Variants in MOXD1 observed in about 807,000 individuals in gnomAD.
The protein encoded by MOXD1 is monooxygenase DBH like 1.
A neutral mutation model predicts 66.6 loss-of-function variants in MOXD1; 62 were observed. The observed-to-expected ratio is 0.93, with a 90% confidence interval of 0.76 to 1.15. MOXD1 has a LOEUF of 1.15. MOXD1 is among the 50% of genes most tolerant of loss of function. MOXD1 has a pLI of 0.00. For missense variants in MOXD1, 847 were observed against 754.6 expected (o/e 1.12, Z -1.44); for synonymous variants, 303 against 281.9 (o/e 1.07, Z -0.75).
intron 1 of MOXD1, 141 bp downstream of exon 1, chr6:132,401,022 G>T: frequency 8.9e-7 from 1 of 1,124,830 alleles, no homozygotes; most frequent in Non-Finnish European, 1.2e-6. Context: ...GCGGAGGCGA[G>T]AGTGAGCGTG....
chr6:132,356,423 T>C (rs1183626699), intron 4 of MOXD1, among the ~76,000 whole-genome samples: 1 of 152,202 alleles, frequency 6.6e-6, no homozygotes. Context: ...TGAGAAAATA[T>C]TCACATACAG....
chr6:132,297,011 T>G lies in MOXD1; in HGVS notation c.*142A>C. 1.4e-6 allele frequency: 1 copy of G among 722,914 alleles called. No homozygotes were observed. The highest frequency in any genetic ancestry group is 2.2e-6 in the Non-Finnish European group (1 of 450,550). The allele number at this position is 722,914 out of a possible 1,614,324, so 44.8% of individuals were successfully genotyped here. ...CCTGATTGATGTCTCTCATGTAACA[T>G]GGAAAGGAAAAAGGAGGGAGGGAAA... On this transcript the variant is annotated 3_prime_UTR_variant, in exon 12 of 12. Coordinates refer to ENST00000367963, the MANE Select transcript of MOXD1 (RefSeq NM_015529.4).
rs372164548 is a variant in MOXD1, at chr6:132,297,141, A to G, written c.*12T>C. 7.4e-6 allele frequency: 12 copies of G among 1,612,302 alleles called. No homozygotes were observed. The African/African-American group carries it at 1.3e-4, about 18-fold the overall frequency. On this transcript the variant is annotated 3_prime_UTR_variant, in exon 12 of 12. Transcript: ENST00000367963. ...ATCATAGAAAACATTGTCAAGTCCA[A>G]CAGAATTTTGATCACAAGCTCTTGG... is the stretch of plus-strand genomic sequence containing the variant.
At chr6:132,379,173 AATAATATAGC>A (rs1776459816) in intron 1 of MOXD1, among the ~76,000 whole-genome samples, 1 of 152,098 alleles carries the variant, frequency 6.6e-6, no homozygotes, top group African/African-American at 2.4e-5. Context: ...ATAAAAAAAG[AATAATATAGC>A]ATGATCATGC....
chr6:132,318,837 T>C (rs957006554), intron 9 of MOXD1, among the ~76,000 whole-genome samples: 1 of 152,082 alleles, frequency 6.6e-6, no homozygotes, highest in African/African-American at 2.4e-5. Flanking sequence ...TTGATTTTTA[T>C]GCATTGTGTG....
rs150318811 is a variant in MOXD1, at chr6:132,398,935, C to CA, written c.264+2227dup. Among the ~76,000 whole-genome samples the CA allele has an allele frequency of 9.6e-3, 723 of 74,968 alleles. 6 individuals are homozygous for CA. The highest frequency in any genetic ancestry group is 0.016 in the Non-Finnish European group (589 of 35,808). 49.2% of individuals were successfully genotyped at this position (74,968 alleles called of 152,430 possible). A position where few individuals can be genotyped will look rare whatever the true frequency, so the allele number is the denominator to read the frequency against. ...CCTGGGCAATAAAGAGAGACTTTGT[C>CA]AAAAAAAAAAAAAAAAAAAAGAGAA... On this transcript the variant is annotated intron_variant, in intron 1 of 11. Transcript: ENST00000367963.
In MOXD1 at chr6:132,341,939, T is replaced by C. The variant is rs9493290; in HGVS notation, c.664-13345A>G. Reference sequence around the variant, plus strand: ...TCTGCCCCTTACTAGTTGTGTGACCTGAGGCAAATTACTTAACCTTACTGA... The same window carrying C: ...TCTGCCCCTTACTAGTTGTGTGACCCGAGGCAAATTACTTAACCTTACTGA... On this transcript the variant is annotated intron_variant, in intron 4 of 11. Transcript: ENST00000367963. Among the ~76,000 whole-genome samples, 1,390 of 152,316 alleles carry C rather than the reference T, an allele frequency of 9.1e-3. 25 individuals are homozygous for C. The highest frequency in any genetic ancestry group is 0.032 in the African/African-American group (1,329 of 41,580).
At chr6:132,334,281 C>A (rs954576824) in intron 4 of MOXD1, among the ~76,000 whole-genome samples, 1 of 152,244 alleles carries the variant, frequency 6.6e-6, no homozygotes, top group African/African-American at 2.4e-5. Context: ...CATCCCACTT[C>A]AGCTACTGAA....
intron 2 of MOXD1, among the ~76,000 whole-genome samples, 141 bp downstream of exon 2, chr6:132,374,478 GAAAAAACTAAAA>G (rs1381523272): frequency 0.016 from 2,338 of 148,052 alleles, 72 homozygotes; most frequent in African/African-American, 0.054. Flanking sequence ...AAGTAAAAAA[GAAAAAACTAAAA>G]AAAAAACTAA....
intron 4 of MOXD1, among the ~76,000 whole-genome samples, chr6:132,351,187 G>T (rs1246550141): frequency 6.6e-6 from 1 of 151,970 alleles, no homozygotes; most frequent in Non-Finnish European, 1.5e-5. Flanking sequence ...GCTGAAGAGG[G>T]GTGGTGAGAT....
intron 1 of MOXD1, among the ~76,000 whole-genome samples, chr6:132,375,568 G>A (rs1437769890): frequency 6.6e-6 from 1 of 152,126 alleles, no homozygotes; most frequent in Non-Finnish European, 1.5e-5. Flanking sequence ...TGGGACCACA[G>A]GTGCCCACCG....
intron 1 of MOXD1, among the ~76,000 whole-genome samples, chr6:132,375,261 G>C (rs1776354744): frequency 6.6e-6 from 1 of 152,146 alleles, no homozygotes; most frequent in Non-Finnish European, 1.5e-5. Context: ...GCGGATTATA[G>C]GTTGTTTCAA....
At chr6:132,381,195 C>T (rs1776500537) in intron 1 of MOXD1, among the ~76,000 whole-genome samples, 1 of 152,088 alleles carries the variant, frequency 6.6e-6, no homozygotes, top group Non-Finnish European at 1.5e-5. Context: ...TCTGTTAAAT[C>T]TAAATAAGGA....
intron 4 of MOXD1, among the ~76,000 whole-genome samples, chr6:132,367,880 G>A (rs113431922): frequency 0.015 from 2,205 of 152,010 alleles, 59 homozygotes; most frequent in African/African-American, 0.05. Context: ...ATCCAGTCAC[G>A]GAACCCACCT....
chr6:132,380,088 C>T (rs1261399380), intron 1 of MOXD1, among the ~76,000 whole-genome samples: 1 of 152,178 alleles, frequency 6.6e-6, no homozygotes, highest in Non-Finnish European at 1.5e-5. Flanking sequence ...TGACTCACAT[C>T]TCCACACATA....
At chr6:132,340,669 C>A in intron 4 of MOXD1, among the ~76,000 whole-genome samples, 1 of 106,088 alleles carries the variant, frequency 9.4e-6, no homozygotes, top group South Asian at 2.7e-4. Flanking sequence ...TTTTTTGAGC[C>A]GGAGTCTCGC....
intron 10 of MOXD1, among the ~76,000 whole-genome samples, chr6:132,302,022 G>T (rs988626814): frequency 6.6e-5 from 10 of 152,164 alleles, no homozygotes; most frequent in African/African-American, 2.4e-4. Flanking sequence ...GTCTGAAGAA[G>T]CTTACATATT....
At chr6:132,363,335 G>A (rs1273198370) in intron 4 of MOXD1, among the ~76,000 whole-genome samples, 1 of 151,834 alleles carries the variant, frequency 6.6e-6, no homozygotes, top group African/African-American at 2.4e-5. Flanking sequence ...TCATCAAATG[G>A]TACACACTAT....
chr6:132,330,390 G>T (rs142978032), intron 4 of MOXD1, among the ~76,000 whole-genome samples: 25 of 152,266 alleles, frequency 1.6e-4, no homozygotes, highest in African/African-American at 5.8e-4. Flanking sequence ...TCTAGGCTGC[G>T]TGCTCTTTAT....
Sources: gnomAD v4.1 joint callset for allele counts (sites outside exome capture counted in the v4.1 genomes callset) on GRCh38, gnomAD v4.1.1 for gene constraint, MANE v1.5 for transcripts, NCBI Gene and HGNC (gene_info 2026-07-23, HGNC 2026-07-21) for gene names.